CDH9: variants seen among roughly 807,000 people sequenced by gnomAD.
CDH9 encodes the protein cadherin-9.
Under a neutral mutation model 70.9 loss-of-function variants are expected in CDH9, and 28 were observed. The ratio of observed to expected loss-of-function variants is 0.40; its 90% CI spans 0.29 to 0.54. The LOEUF (loss-of-function observed/expected upper bound fraction) is 0.54. Among genes scored for constraint, CDH9 ranks in the 20% least tolerant of loss-of-function variants. The probability of loss-of-function intolerance (pLI) is 0.59; values close to 1 mark genes in which losing one functional copy is unlikely to be tolerated. For synonymous variants in CDH9, 409 were observed against 343.1 expected, an observed-to-expected ratio of 1.19 and a Z score of -2.12; for missense variants, 874 against 984.4, an observed-to-expected ratio of 0.89 and a Z score of 1.50.
At chr5:27,021,222 G>A (rs980605793) in intron 1 of CDH9, among the ~76,000 whole-genome samples, 3 of 151,688 alleles carry the variant, frequency 2.0e-5, no homozygotes, top group Non-Finnish European at 2.9e-5. Context: ...ATGAATGTGA[G>A]GTTTGGAGCA....
At chr5:26,885,266 A>T (rs997183185) in intron 11 of CDH9, among the ~76,000 whole-genome samples, 2 of 152,194 alleles carry the variant, frequency 1.3e-5, no homozygotes, top group South Asian at 2.1e-4. Context: ...TCTCTAGAAG[A>T]AAAGTATTTA....
intron 2 of CDH9, among the ~76,000 whole-genome samples, chr5:26,926,706 T>C (rs1741346162): frequency 6.6e-6 from 1 of 152,088 alleles, no homozygotes; most frequent in South Asian, 2.1e-4. Context: ...ACTACAAGGC[T>C]ACAGTAACCA....
At chr5:26,987,091 CT>C (rs201154706) in intron 2 of CDH9, among the ~76,000 whole-genome samples, 2,651 of 108,180 alleles carry the variant, frequency 0.025, 10 homozygotes, top group African/African-American at 0.043. Flanking sequence ...CACTTGTATT[CT>C]TTTTTTTTTT....
chr5:26,994,325 A>G (rs1742631269), intron 1 of CDH9, among the ~76,000 whole-genome samples: 1 of 152,152 alleles, frequency 6.6e-6, no homozygotes, highest in Non-Finnish European at 1.5e-5. Flanking sequence ...ACTAGGGTAG[A>G]CTATTATAGA....
At chr5:27,001,628 C>T (rs749265377) in intron 1 of CDH9, among the ~76,000 whole-genome samples, 9 of 152,102 alleles carry the variant, frequency 5.9e-5, no homozygotes, top group Non-Finnish European at 1.0e-4. Flanking sequence ...CATATATATT[C>T]TTTACTCTGT....
chr5:26,890,844 G>A (rs560518795), intron 7 of CDH9: 1 of 315,652 alleles, frequency 3.2e-6, no homozygotes, highest in Admixed American at 4.5e-5. Context: ...AGTATCACTT[G>A]GTTCACTTAT....
intron 2 of CDH9, among the ~76,000 whole-genome samples, chr5:26,923,337 A>G (rs1561196354): frequency 6.6e-6 from 1 of 152,010 alleles, no homozygotes; most frequent in East Asian, 1.9e-4. Context: ...ACTATATTAT[A>G]ATAAAGGAGT....
At chr5:26,933,657 C>A (rs1172343018) in intron 2 of CDH9, among the ~76,000 whole-genome samples, 3 of 151,866 alleles carry the variant, frequency 2.0e-5, no homozygotes, top group Non-Finnish European at 4.4e-5. Context: ...ATCTGTAGTC[C>A]CAACTGCTTG....
chr5:26,985,669 C>G (rs749851623), intron 2 of CDH9, among the ~76,000 whole-genome samples: 1 of 152,048 alleles, frequency 6.6e-6, no homozygotes, highest in African/African-American at 2.4e-5. Context: ...ATGTAAATTT[C>G]TTCCCATTAG....
Position 26,882,867 on chromosome 5 carries a change from G to A in CDH9, c.1883-1244C>T, listed in dbSNP as rs138064450. 1.2e-4 allele frequency among the ~76,000 whole-genome samples: 18 copies of A among 151,098 alleles called. No individual in the cohort carries two copies. In the East Asian group the frequency reaches 2.2e-3, roughly 18 times the overall value. ...TTGAGACTACACTTCAACATGGCCC[G>A]TGAGGCCCCTATAACTACACTAAAG... is the stretch of plus-strand genomic sequence containing the variant. On this transcript the variant is annotated intron_variant, in intron 11 of 11. Coordinates refer to ENST00000231021, the MANE Select transcript of CDH9 (RefSeq NM_016279.4).
intron 2 of CDH9, among the ~76,000 whole-genome samples, chr5:26,934,455 A>G (rs998558579): frequency 6.6e-6 from 1 of 152,068 alleles, no homozygotes; most frequent in African/African-American, 2.4e-5. Context: ...ACAGAACAAG[A>G]CCCATCTCAA....
At chr5:26,989,006 G>C (rs1439392371) in intron 1 of CDH9, among the ~76,000 whole-genome samples, 3 of 151,804 alleles carry the variant, frequency 2.0e-5, no homozygotes, top group African/African-American at 7.3e-5. Flanking sequence ...AATCTAGTAG[G>C]ACACTCAAAT....
rs1191947160 is a variant in CDH9, at chr5:26,881,397, A to G, written c.2109T>C (p.Thr703=). Residue 703 remains threonine (T), a synonymous_variant, in exon 12 of 12, where the codon ACT becomes ACC. Coordinates refer to ENST00000231021, the MANE Select transcript of CDH9 (RefSeq NM_016279.4). The part of the protein sequence containing the change: ...MPETIFQIRR[T]VPLWENIDVQ... ...CATCAATATTTTCCCACAGAGGCACAGTCCTCCTTATCTGAAAAATAGTTT... is the reference window on the plus strand; with the variant it reads ...CATCAATATTTTCCCACAGAGGCACGGTCCTCCTTATCTGAAAAATAGTTT... The G allele has an allele frequency of 6.2e-7, 1 of 1,613,736 alleles. No homozygotes were observed. The highest frequency in any genetic ancestry group is 2.2e-5 in the East Asian group (1 of 44,882).
chr5:26,931,610 TAAAC>T (rs1358753051), intron 2 of CDH9, among the ~76,000 whole-genome samples: 1 of 152,120 alleles, frequency 6.6e-6, no homozygotes, highest in Non-Finnish European at 1.5e-5. Context: ...TAGACCCACT[TAAAC>T]AAAGCTTAAA....
At chr5:26,940,921 C>A (rs924496972) in intron 2 of CDH9, among the ~76,000 whole-genome samples, 2 of 152,168 alleles carry the variant, frequency 1.3e-5, no homozygotes, top group Non-Finnish European at 2.9e-5. Flanking sequence ...CCTCCCATAG[C>A]GTGTTACTGA....
chr5:26,947,558 C>T (rs978444007), intron 2 of CDH9, among the ~76,000 whole-genome samples: 1 of 152,106 alleles, frequency 6.6e-6, no homozygotes, highest in Non-Finnish European at 1.5e-5. Flanking sequence ...AAGTAAATTG[C>T]TAATACTAGT....
chr5:27,010,586 A>C (rs1435160079), intron 1 of CDH9, among the ~76,000 whole-genome samples: 1 of 152,138 alleles, frequency 6.6e-6, no homozygotes, highest in Non-Finnish European at 1.5e-5. Flanking sequence ...TTTTGCCCGA[A>C]AATCCTACAT....
intron 7 of CDH9, among the ~76,000 whole-genome samples, chr5:26,899,640 C>T (rs1384906058): frequency 1.3e-5 from 2 of 151,624 alleles, no homozygotes; most frequent in East Asian, 3.9e-4. Context: ...CACACTGGGG[C>T]CTGTAGAGGG....
At position 26,881,313 on chromosome 5, in the gene CDH9, T is replaced by C. The variant is rs200241577; in HGVS notation, c.2193A>G (p.Pro731=). 1.9e-4 allele frequency: 309 copies of C among 1,613,072 alleles called. 1 individual carries two copies. The highest frequency in any genetic ancestry group is 6.5e-4 in the East Asian group (29 of 44,874). The change falls in exon 12 of 12, where the codon CCA becomes CCG. Residue 731 remains proline, a synonymous_variant. Transcript: ENST00000231021. ...KENDADPSAP[P]YDSLATYAYE... ...AGGCATACGTTGCCAGCGAATCATATGGAGGTGCACTTGGGTCTGCGTCGT... is the reference window on the plus strand; with the variant it reads ...AGGCATACGTTGCCAGCGAATCATACGGAGGTGCACTTGGGTCTGCGTCGT...
Sources: gnomAD v4.1 joint callset for allele counts (sites outside exome capture counted in the v4.1 genomes callset) on GRCh38, gnomAD v4.1.1 for gene constraint, MANE v1.5 for transcripts, NCBI Gene and HGNC (gene_info 2026-07-23, HGNC 2026-07-21) for gene names.